The following AFF3 variants were observed in gnomAD, a reference collection of about 807,000 sequenced individuals.
The protein encoded by AFF3 is AF4/FMR2 family member 3.
Under a neutral mutation model 129.7 loss-of-function variants are expected in AFF3, and 32 were observed. The observed-to-expected ratio is 0.25, with a 90% CI of 0.19 to 0.33. AFF3 has a LOEUF of 0.33. Among genes scored for constraint, AFF3 ranks in the 10% least tolerant of loss-of-function variants. AFF3 has a pLI of 1.00. For missense variants in AFF3, 1,373 were observed against 1,592.0 expected (o/e 0.86, Z 2.34); for synonymous variants, 644 against 635.4 (o/e 1.01, Z -0.20).
At chr2:99,633,734 C>T (rs890196700) in intron 13 of AFF3, among the ~76,000 whole-genome samples, 2 of 151,940 alleles carry the variant, frequency 1.3e-5, no homozygotes, top group African/African-American at 4.8e-5. Flanking sequence ...TCTTACAAAG[C>T]GAGTGGTTCC....
chr2:99,871,679 A>G (rs1215720568), intron 7 of AFF3, among the ~76,000 whole-genome samples: 2 of 152,208 alleles, frequency 1.3e-5, no homozygotes, highest in African/African-American at 4.8e-5. Flanking sequence ...TTAACTTTAA[A>G]AACTCTGTCA....
chr2:100,047,834 C>G (rs1399147192), intron 4 of AFF3, among the ~76,000 whole-genome samples: 1 of 152,122 alleles, frequency 6.6e-6, no homozygotes, highest in Non-Finnish European at 1.5e-5. Flanking sequence ...TAAAAGAAAG[C>G]CTTTAAGATA....
At chr2:100,066,346 G>A (rs1484300824) in intron 4 of AFF3, among the ~76,000 whole-genome samples, 1 of 152,114 alleles carries the variant, frequency 6.6e-6, no homozygotes, top group Non-Finnish European at 1.5e-5. Flanking sequence ...GGTGGTATCT[G>A]AATATCTATA....
chr2:99,744,044 C>A (rs372832254), intron 10 of AFF3, 60 bp downstream of exon 10: 10 of 1,419,792 alleles, frequency 7.0e-6, no homozygotes, highest in Non-Finnish European at 9.8e-6. Context: ...CCCTCCCCTT[C>A]TGCCCTCTGC....
intron 12 of AFF3, among the ~76,000 whole-genome samples, chr2:99,655,215 C>CACAA: frequency 4.6e-4 from 1 of 2,196 alleles, no homozygotes; most frequent in Non-Finnish European, 8.0e-4. Flanking sequence ...TGAAAAGCTA[C>CACAA]ACACACACAC....
chr2:99,666,268 A>G (rs1686663081), intron 12 of AFF3, among the ~76,000 whole-genome samples: 1 of 152,200 alleles, frequency 6.6e-6, no homozygotes, highest in African/African-American at 2.4e-5. Context: ...CATTTGTATC[A>G]CCTATTATTA....
intron 8 of AFF3, among the ~76,000 whole-genome samples, chr2:99,815,830 C>CTGTG (rs370392072): frequency 2.0e-5 from 3 of 149,596 alleles, no homozygotes; most frequent in African/African-American, 4.9e-5. Flanking sequence ...CTCTCTCTCT[C>CTGTG]TGTGTGTGTG....
intron 4 of AFF3, among the ~76,000 whole-genome samples, chr2:100,018,346 T>C (rs1683304865): frequency 6.6e-6 from 1 of 152,184 alleles, no homozygotes; most frequent in African/African-American, 2.4e-5. Flanking sequence ...GATCATTTAC[T>C]GAGTCCCAAC....
chr2:100,023,540 C>G (rs1167278571), intron 4 of AFF3, among the ~76,000 whole-genome samples: 1 of 152,084 alleles, frequency 6.6e-6, no homozygotes, highest in African/African-American at 2.4e-5. Flanking sequence ...GAGGGAGAAA[C>G]AGCAAGGCCT....
At chr2:99,937,461 C>T (rs977924651) in intron 7 of AFF3, among the ~76,000 whole-genome samples, 1 of 151,954 alleles carries the variant, frequency 6.6e-6, no homozygotes, top group African/African-American at 2.4e-5. Flanking sequence ...GTGGAGTGAG[C>T]GATGTCAGCT....
chr2:99,556,280 C>T (rs1304303744), intron 22 of AFF3, among the ~76,000 whole-genome samples: 2 of 152,006 alleles, frequency 1.3e-5, no homozygotes, highest in African/African-American at 2.4e-5. Context: ...CCCATCTCTA[C>T]TAAAGATACA....
chr2:99,856,758 A>G (rs2105895877), intron 7 of AFF3, among the ~76,000 whole-genome samples: 1 of 152,284 alleles, frequency 6.6e-6, no homozygotes, highest in East Asian at 1.9e-4. Context: ...CAGAGACCCC[A>G]TTTAAACCCA....
intron 11 of AFF3, among the ~76,000 whole-genome samples, chr2:99,717,570 T>C (rs1276536646): frequency 1.3e-5 from 2 of 152,266 alleles, no homozygotes; most frequent in Non-Finnish European, 2.9e-5. Context: ...AAGAAATTTA[T>C]AATTTTGTCA....
Position 99,672,175 on chromosome 2 carries a change from T to TTC in AFF3, c.1143+361_1143+362dup, listed in dbSNP as rs772482261. Among the ~76,000 whole-genome samples the TTC allele has an allele frequency of 1.0e-4, 14 of 139,626 alleles. 1 individual carries two copies. The highest frequency in any genetic ancestry group is 1.1e-4 in the Non-Finnish European group (7 of 64,398). The allele number at this position is 139,626 out of a possible 152,430, so 91.6% of individuals were successfully genotyped here. A position where few individuals can be genotyped will look rare whatever the true frequency, so the allele number is the denominator to read the frequency against. ...TTTGATCTCCAGAAGGCCAGTTAGC[T>TTC]TCTCACACACACACACACACACACA... On this transcript the variant is annotated intron_variant, in intron 12 of 24. Transcript: ENST00000672756.
In AFF3 at chr2:99,837,610, C is replaced by CCT; in HGVS notation, c.874-87_874-86insAG. 4 of 1,264,228 alleles carry CCT rather than the reference C, an allele frequency of 3.2e-6. No homozygotes were observed. In the South Asian group the frequency reaches 3.7e-5, roughly 12 times the overall value. 78.3% of individuals were successfully genotyped at this position (1,264,228 alleles called of 1,614,324 possible). On this transcript the variant is annotated intron_variant, in intron 7 of 24. Coordinates refer to ENST00000672756, the MANE Select transcript of AFF3 (RefSeq NM_001386135.1). Reference sequence around the variant, plus strand: ...ATGCAAGGTTCCAAATTAGTCCCCCCCAACAAAAAAATTCAGCGAGTTACA... The same window carrying CCT: ...ATGCAAGGTTCCAAATTAGTCCCCCCCTCAACAAAAAAATTCAGCGAGTTACA...
intron 22 of AFF3, among the ~76,000 whole-genome samples, chr2:99,556,915 GAAA>G (rs771684956): frequency 1.5e-5 from 2 of 135,694 alleles, no homozygotes; most frequent in Non-Finnish European, 3.2e-5. Context: ...GAACGGGACA[GAAA>G]AAAAAAAAAA....
At chr2:99,835,434 G>A (rs191225965) in intron 8 of AFF3, among the ~76,000 whole-genome samples, 57 of 152,208 alleles carry the variant, frequency 3.7e-4, no homozygotes, top group East Asian at 3.9e-4. Flanking sequence ...TGGTGCTTGC[G>A]TTTGGAGGTG....
At position 99,883,806 on chromosome 2, in the gene AFF3, A is replaced by G. The variant is rs184947800; in HGVS notation, c.874-46282T>C. On this transcript the variant is annotated intron_variant, in intron 7 of 24. Transcript: ENST00000672756. ...AGGGATACGTGAAAATAAAAACAAG[A>G]CTAGGCAGAATTATTATTATACATT... Among the ~76,000 whole-genome samples the G allele has an allele frequency of 1.7e-4, 26 of 151,958 alleles. 1 individual carries two copies. In the East Asian group the frequency reaches 4.6e-3, roughly 27 times the overall value.
chr2:99,949,815 T>TA (rs1455255994), intron 7 of AFF3, among the ~76,000 whole-genome samples: 46 of 152,310 alleles, frequency 3.0e-4, no homozygotes, highest in African/African-American at 8.2e-4. Context: ...CACTGACCAG[T>TA]AGCGGTCCGT....
Sources: gnomAD v4.1 joint callset for allele counts (sites outside exome capture counted in the v4.1 genomes callset) on GRCh38, gnomAD v4.1.1 for gene constraint, MANE v1.5 for transcripts, NCBI Gene and HGNC (gene_info 2026-07-23, HGNC 2026-07-21) for gene names.